Variants in FGF14 observed in about 807,000 individuals in gnomAD.
The protein encoded by FGF14 is fibroblast growth factor homologous factor 4.
A neutral mutation model predicts 25.5 loss-of-function variants in FGF14; 5 were observed. The ratio of observed to expected loss-of-function variants is 0.20; its 90% CI spans 0.10 to 0.41. The LOEUF is 0.41. Among genes scored for constraint, FGF14 ranks in the 10% least tolerant of loss-of-function variants. FGF14 has a pLI of 1.00. For synonymous variants in FGF14, 138 were observed against 118.3 expected (o/e 1.17, Z -1.08); for missense variants, 222 against 320.1 (o/e 0.69, Z 2.34).
chr13:101,956,766 A>T (rs2036536020), intron 1 of FGF14, among the ~76,000 whole-genome samples: 1 of 114,904 alleles, frequency 8.7e-6, no homozygotes, highest in Admixed American at 8.8e-5. Context: ...TATTCACTTT[A>T]CCAAAAAAAA....
intron 1 of FGF14, among the ~76,000 whole-genome samples, chr13:102,009,055 A>G (rs1244245964): frequency 1.1e-4 from 16 of 152,174 alleles, no homozygotes. Flanking sequence ...AAAGCCATAC[A>G]TGTCCTTTGA....
intron 1 of FGF14, among the ~76,000 whole-genome samples, chr13:102,270,342 A>G (rs961359231): frequency 1.3e-5 from 2 of 152,132 alleles, no homozygotes; most frequent in African/African-American, 2.4e-5. Flanking sequence ...AGCATTTCCT[A>G]TGTTACTACA....
rs1208108687 is a variant in FGF14 at position 101,785,068 on chromosome 13, C to G, written c.409-58258G>C. On this transcript the variant is annotated intron_variant, in intron 3 of 4. Coordinates refer to ENST00000376143, the MANE Select transcript of FGF14 (RefSeq NM_004115.4). ...TGTGTTCAGGGTCTCACATTGTCTCCTAGGTACTCTATTTGAGTAGAATGA... is the reference window on the plus strand; with the variant it reads ...TGTGTTCAGGGTCTCACATTGTCTCGTAGGTACTCTATTTGAGTAGAATGA... 2.0e-5 allele frequency among the ~76,000 whole-genome samples: 3 copies of G among 152,082 alleles called. No homozygotes were observed. The East Asian group carries it at 5.8e-4, about 29-fold the overall frequency.
chr13:102,186,777 G>A (rs535461379), intron 1 of FGF14, among the ~76,000 whole-genome samples: 7 of 152,228 alleles, frequency 4.6e-5, no homozygotes, highest in South Asian at 2.1e-4. Context: ...ACATGCACAC[G>A]TACATCTGAG....
chr13:102,220,616 T>C (rs1323512470), intron 1 of FGF14, among the ~76,000 whole-genome samples: 1 of 152,250 alleles, frequency 6.6e-6, no homozygotes, highest in African/African-American at 2.4e-5. Flanking sequence ...AAATATTTGA[T>C]CACGTTCTTG....
intron 1 of FGF14, among the ~76,000 whole-genome samples, chr13:101,954,578 T>G (rs1166041549): frequency 6.6e-6 from 1 of 152,232 alleles, no homozygotes; most frequent in Non-Finnish European, 1.5e-5. Flanking sequence ...CTGTTGGTTG[T>G]TAACCTCTTT....
chr13:102,229,090 C>CA, intron 1 of FGF14, among the ~76,000 whole-genome samples: 1 of 152,148 alleles, frequency 6.6e-6, no homozygotes, highest in Non-Finnish European at 1.5e-5. Context: ...GGGAAGATGT[C>CA]AGAGTCCAAC....
intron 3 of FGF14, among the ~76,000 whole-genome samples, chr13:101,746,709 C>T (rs2036914780): frequency 1.3e-5 from 2 of 151,946 alleles, no homozygotes; most frequent in South Asian, 2.1e-4. Context: ...TTATCAATGC[C>T]AGGAGTGTGC....
intron 1 of FGF14, among the ~76,000 whole-genome samples, chr13:102,235,686 T>C (rs775208500): frequency 6.6e-6 from 1 of 152,220 alleles, no homozygotes; most frequent in Non-Finnish European, 1.5e-5. Context: ...GAAAAATGTG[T>C]CTCTTCAAGG....
At chr13:102,339,135 C>A (rs1268448397) in intron 1 of FGF14, among the ~76,000 whole-genome samples, 1 of 151,882 alleles carries the variant, frequency 6.6e-6, no homozygotes, top group Non-Finnish European at 1.5e-5. Flanking sequence ...GTGAACACCC[C>A]GTTTTCCATG....
intron 1 of FGF14, among the ~76,000 whole-genome samples, chr13:101,981,651 A>G (rs1227546813): frequency 8.9e-5 from 2 of 22,416 alleles, no homozygotes; most frequent in Non-Finnish European, 1.9e-4. Flanking sequence ...ATTAAAAAAC[A>G]ACAACAACAA....
chr13:102,344,168 TA>T (rs1375797613), intron 1 of FGF14, among the ~76,000 whole-genome samples: 2 of 152,250 alleles, frequency 1.3e-5, no homozygotes, highest in Non-Finnish European at 2.9e-5. Flanking sequence ...GCGGCTATGA[TA>T]TTTTTAAAAT....
rs1389541260 is a variant in FGF14, at chr13:102,020,769, T to A, written c.209-145473A>T. On this transcript the variant is annotated intron_variant, in intron 1 of 4. Coordinates refer to the FGF14 transcript ENST00000376131. ...GCAACTAGAGTGCAGGAACTCTGAA[T>A]GTGAACAACTAGGTCACTACACAGA... Among the ~76,000 whole-genome samples the A allele has an allele frequency of 3.9e-5, 6 of 152,194 alleles. No homozygotes were observed. The South Asian group carries it at 6.2e-4, about 16-fold the overall frequency.
intron 1 of FGF14, among the ~76,000 whole-genome samples, chr13:102,196,181 C>G (rs898089267): frequency 6.6e-6 from 1 of 152,112 alleles, no homozygotes; most frequent in Non-Finnish European, 1.5e-5. Context: ...AATTTACAGC[C>G]GTGACAATCG....
intron 1 of FGF14, among the ~76,000 whole-genome samples, chr13:102,202,775 A>C (rs2049721756): frequency 1.3e-5 from 2 of 152,176 alleles, no homozygotes; most frequent in African/African-American, 4.8e-5. Flanking sequence ...CGTAGTAGAC[A>C]ATTTGGTAAA....
At chr13:101,750,352 T>C (rs185713609) in intron 3 of FGF14, among the ~76,000 whole-genome samples, 17 of 152,080 alleles carry the variant, frequency 1.1e-4, no homozygotes, top group African/African-American at 4.1e-4. Context: ...TATTTCACTA[T>C]ACATACAGAA....
At chr13:102,124,218 T>C (rs2045855153) in intron 1 of FGF14, among the ~76,000 whole-genome samples, 1 of 152,136 alleles carries the variant, frequency 6.6e-6, no homozygotes, top group Non-Finnish European at 1.5e-5. Context: ...CACTTGAAAG[T>C]ATTAACTGGG....
intron 1 of FGF14, among the ~76,000 whole-genome samples, chr13:102,392,779 G>T (rs1038088262): frequency 4.6e-5 from 7 of 152,114 alleles, no homozygotes; most frequent in Non-Finnish European, 1.0e-4. Flanking sequence ...TTCCTCTCTA[G>T]TGCCTGTCAC....
At chr13:102,227,728 A>G (rs1000837863) in intron 1 of FGF14, among the ~76,000 whole-genome samples, 5 of 152,178 alleles carry the variant, frequency 3.3e-5, no homozygotes, top group African/African-American at 1.2e-4. Flanking sequence ...TAATAGATAC[A>G]GGTAATATAA....
Sources: gnomAD v4.1 joint callset for allele counts (sites outside exome capture counted in the v4.1 genomes callset) on GRCh38, gnomAD v4.1.1 for gene constraint, MANE v1.5 for transcripts, NCBI Gene and HGNC (gene_info 2026-07-23, HGNC 2026-07-21) for gene names.